SLTM: variants seen among roughly 807,000 people sequenced by gnomAD.
SLTM encodes the protein SAFB like transcription modulator.
In SLTM, 43 loss-of-function variants were observed where a neutral mutation model predicts 134.6. The observed-to-expected ratio is 0.32, with a 90% CI of 0.25 to 0.41. The LOEUF is 0.41. Ranked by LOEUF, SLTM falls within the 10% of genes least tolerant of loss-of-function variation. SLTM has a pLI of 1.00. For missense variants in SLTM, 1,055 were observed against 1,288.8 expected, an observed-to-expected ratio of 0.82 and a Z score of 2.78; for synonymous variants, 424 against 432.3, an observed-to-expected ratio of 0.98 and a Z score of 0.24.
At chr15:58,884,663 C>T (rs767682099) in intron 19 of SLTM, among the ~76,000 whole-genome samples, 18 of 151,566 alleles carry the variant, frequency 1.2e-4, no homozygotes, top group African/African-American at 2.4e-4. Flanking sequence ...GACATGATCA[C>T]ACTGTTGCCC....
At chr15:58,880,173 G>C in intron 20 of SLTM, 66 bp from the exon 21 acceptor site, 1 of 1,563,880 alleles carries the variant, frequency 6.4e-7, no homozygotes, top group Non-Finnish European at 8.7e-7. Flanking sequence ...CAAATACCAG[G>C]CACTGTTCTT....
rs1595819142 is a variant in SLTM, at chr15:58,883,302, G to A, written c.2996+324C>T. ...TGCAGTCCAGCATGGGCGACAGAGTGAGACTCCATCTCAAAAAACAAAAAA... is the reference window on the plus strand; with the variant it reads ...TGCAGTCCAGCATGGGCGACAGAGTAAGACTCCATCTCAAAAAACAAAAAA... On this transcript the variant is annotated intron_variant, in intron 20 of 20. Coordinates refer to ENST00000380516, the MANE Select transcript of SLTM (RefSeq NM_024755.4). Among the ~76,000 whole-genome samples the A allele has an allele frequency of 3.9e-5, 6 of 152,284 alleles. 1 individual carries two copies.
At chr15:58,931,188 C>T (rs545263380) in intron 2 of SLTM, among the ~76,000 whole-genome samples, 28 of 152,290 alleles carry the variant, frequency 1.8e-4, no homozygotes, top group African/African-American at 6.7e-4. Flanking sequence ...AAGTGATACA[C>T]TGAGTCAGAG....
chr15:58,896,712 A>C (rs562862411), intron 9 of SLTM, among the ~76,000 whole-genome samples: 1 of 152,296 alleles, frequency 6.6e-6, no homozygotes, highest in African/African-American at 2.4e-5. Context: ...CAAGGATCAT[A>C]TCTGGTTCTC....
chr15:58,904,498 G>A (rs6494043), intron 5 of SLTM, among the ~76,000 whole-genome samples: 146,732 of 151,928 alleles, frequency 0.97, 71,043 homozygotes, highest in East Asian at 1. Context: ...ATTGATAACA[G>A]TGTAAATTCG....
intron 19 of SLTM, among the ~76,000 whole-genome samples, chr15:58,886,218 A>AGTGTGTGT (rs60261686): frequency 1.4e-3 from 175 of 124,470 alleles, no homozygotes; most frequent in East Asian, 8.8e-3. Flanking sequence ...GAAAAAGAAG[A>AGTGTGTGT]GTGTGTGTGT....
chr15:58,933,586 C>T lies in SLTM; in HGVS notation c.-21G>A, dbSNP rs765162526. ...GCCATCTTAGAAGAGCAGCGCGCTG[C>T]CGAGGCAGCGAGTGGGCTGCAGGGC... On this transcript the variant is annotated 5_prime_UTR_variant, in exon 1 of 21. Coordinates refer to ENST00000380516, the MANE Select transcript of SLTM (RefSeq NM_024755.4). The T allele has an allele frequency of 1.2e-5, 19 of 1,559,264 alleles. No homozygotes were observed. The African/African-American group carries it at 2.1e-4, about 17-fold the overall frequency.
At chr15:58,925,062 C>T (rs567131424) in intron 2 of SLTM, among the ~76,000 whole-genome samples, 7 of 106,314 alleles carry the variant, frequency 6.6e-5, no homozygotes, top group African/African-American at 1.2e-4. Flanking sequence ...ACAAGAGCTA[C>T]GATAAAATGT....
intron 20 of SLTM, 82 bp from the exon 21 acceptor site, chr15:58,880,189 T>G: frequency 5.3e-6 from 8 of 1,500,894 alleles, no homozygotes; most frequent in Non-Finnish European, 7.1e-6. Context: ...TTCTTGGTAC[T>G]TTATCCAAAA....
At position 58,879,980 on chromosome 15, in the gene SLTM, C is replaced by G; in HGVS notation, c.*19G>C. On this transcript the variant is annotated 3_prime_UTR_variant, in exon 21 of 21. Transcript: ENST00000380516. ...AGATTTCAATAAATTATCTTAAAAC[C>G]TTGGCAGAGAGCTCATTTTCAGAAT... is the stretch of plus-strand genomic sequence containing the variant. The G allele has an allele frequency of 6.2e-7, 1 of 1,611,702 alleles. No individual in the cohort carries two copies. Among genetic ancestry groups the G allele is most frequent in the Non-Finnish European group, 8.5e-7 (1 of 1,178,820 alleles).
chr15:58,920,862 G>A (rs1003273617), intron 2 of SLTM, among the ~76,000 whole-genome samples: 2 of 151,932 alleles, frequency 1.3e-5, no homozygotes, highest in Non-Finnish European at 2.9e-5. Context: ...GGCTGAGGCA[G>A]AATAATCCTT....
intron 17 of SLTM, 136 bp from the exon 18 acceptor site, chr15:58,887,676 T>C: frequency 7.0e-7 from 1 of 1,428,144 alleles, no homozygotes; most frequent in African/African-American, 1.4e-5. Flanking sequence ...AAAAAGCTAG[T>C]TATTGATTAT....
intron 19 of SLTM, 76 bp downstream of exon 19, chr15:58,886,899 C>T: frequency 2.6e-6 from 4 of 1,552,974 alleles, no homozygotes; most frequent in Non-Finnish European, 1.8e-6. Context: ...CAAAATGCTA[C>T]TGTATATCCA....
chr15:58,891,659 T>C (rs1041500276), intron 14 of SLTM, among the ~76,000 whole-genome samples: 9 of 152,200 alleles, frequency 5.9e-5, no homozygotes, highest in South Asian at 2.1e-4. Context: ...TGAGTCTAAA[T>C]AGGGATGCAA....
Position 58,899,950 on chromosome 15 carries a change from A to G in SLTM, c.590-13T>C. 6.3e-7 allele frequency: 1 copy of G among 1,585,450 alleles called. No individual in the cohort carries two copies. Among genetic ancestry groups the G allele is most frequent in the Non-Finnish European group, 8.6e-7 (1 of 1,160,942 alleles). ...GAACCTGCTATATCTAAGAGGATTT[A>G]ACAGGAATAAATATGGCAAAACAAG... On this transcript the variant is annotated splice_polypyrimidine_tract_variant and intron_variant, in intron 6 of 20. Coordinates refer to ENST00000380516, the MANE Select transcript of SLTM (RefSeq NM_024755.4). The surrounding 1 kb of genome is among the most constrained non-coding windows in gnomAD (Gnocchi z 5.0).
At chr15:58,916,803 G>T in intron 3 of SLTM, 132 bp downstream of exon 3, 1 of 620,488 alleles carries the variant, frequency 1.6e-6, no homozygotes, top group Non-Finnish European at 2.8e-6. Context: ...ATTAAACGTT[G>T]TCAATATTAC....
At chr15:58,908,069 T>C (rs1228139058) in intron 5 of SLTM, among the ~76,000 whole-genome samples, 8 of 150,994 alleles carry the variant, frequency 5.3e-5, no homozygotes, top group Admixed American at 4.0e-4. Flanking sequence ...TTTCTTTTTT[T>C]TTTTTAAGAC....
chr15:58,895,341 C>T (rs936453707), intron 9 of SLTM, among the ~76,000 whole-genome samples: 1 of 152,100 alleles, frequency 6.6e-6, no homozygotes, highest in African/African-American at 2.4e-5. Flanking sequence ...CCGAAAAACA[C>T]CCTAAAGCTT....
chr15:58,929,253 C>A (rs772459594), intron 2 of SLTM, among the ~76,000 whole-genome samples: 5 of 152,116 alleles, frequency 3.3e-5, no homozygotes, highest in Non-Finnish European at 5.9e-5. Context: ...GAGTTCAAGA[C>A]AAGCCTGACC....
Sources: allele counts gnomAD v4.1 joint callset (sites outside exome capture counted in the v4.1 genomes callset), GRCh38; gene constraint gnomAD v4.1.1; non-coding constraint Gnocchi (gnomAD v3.1); transcripts MANE v1.5; gene names NCBI Gene and HGNC (gene_info 2026-07-23, HGNC 2026-07-21).